Variants in NFE2L2 observed in about 807,000 individuals in gnomAD.
NFE2L2 encodes the protein NFE2 like bZIP transcription factor 2.
A neutral mutation model predicts 49.6 loss-of-function variants in NFE2L2; 20 were observed. The observed-to-expected ratio is 0.40, with a 90% CI of 0.28 to 0.59. NFE2L2 has a LOEUF of 0.59. Ranked by LOEUF, NFE2L2 falls within the 20% of genes least tolerant of loss-of-function variation. NFE2L2 has a pLI of 0.40. For synonymous variants in NFE2L2, 244 were observed against 256.5 expected (o/e 0.95, Z 0.47); for missense variants, 578 against 714.2 (o/e 0.81, Z 2.17).
At chr2:177,236,254 G>A (rs935102416) in intron 1 of NFE2L2, among the ~76,000 whole-genome samples, 9 of 152,344 alleles carry the variant, frequency 5.9e-5, no homozygotes, top group East Asian at 1.9e-4. Context: ...TGGAGGCAGC[G>A]CAGCTAGCTA....
intron 1 of NFE2L2, among the ~76,000 whole-genome samples, chr2:177,251,130 G>C (rs543106245): frequency 6.6e-6 from 1 of 152,144 alleles, no homozygotes; most frequent in Admixed American, 6.5e-5. Context: ...CAACAAAGGT[G>C]GTAAAAATGT....
chr2:177,246,150 C>A (rs1482981326), intron 1 of NFE2L2, among the ~76,000 whole-genome samples: 1 of 152,142 alleles, frequency 6.6e-6, no homozygotes, highest in African/African-American at 2.4e-5. Context: ...GCCCTCTGGA[C>A]ACTCAGACTT....
At chr2:177,263,618 G>A in intron 1 of NFE2L2, 1 of 985,444 alleles carries the variant, frequency 1.0e-6, no homozygotes, top group Non-Finnish European at 1.2e-6. Flanking sequence ...ACCGAGCGCT[G>A]TCACGGAAGC....
intron 1 of NFE2L2, among the ~76,000 whole-genome samples, chr2:177,235,225 C>T (rs1022177372): frequency 3.3e-4 from 49 of 150,682 alleles, no homozygotes; most frequent in African/African-American, 8.5e-4. Flanking sequence ...CAGGAGTTCG[C>T]GACCAGCCTG....
intron 1 of NFE2L2, chr2:177,263,744 G>T: frequency 1.0e-6 from 1 of 985,478 alleles, no homozygotes; most frequent in Non-Finnish European, 1.2e-6. Context: ...TTCCCGCGGC[G>T]TTACGAGGGG....
chr2:177,232,817 G>C, intron 3 of NFE2L2: 1 of 524,484 alleles, frequency 1.9e-6, no homozygotes, highest in Non-Finnish European at 3.4e-6. Flanking sequence ...TTTAAAATGC[G>C]TAAGTACAAT....
intron 1 of NFE2L2, among the ~76,000 whole-genome samples, chr2:177,260,884 G>C (rs761856224): frequency 1.3e-5 from 2 of 152,072 alleles, no homozygotes; most frequent in Non-Finnish European, 2.9e-5. Flanking sequence ...ATTATATTAA[G>C]AAACAGACTG....
intron 1 of NFE2L2, among the ~76,000 whole-genome samples, chr2:177,251,781 G>T (rs559003468): frequency 6.6e-6 from 1 of 152,052 alleles, no homozygotes; most frequent in Non-Finnish European, 1.5e-5. Flanking sequence ...CGAGGTGGGC[G>T]GATCACGAGG....
chr2:177,239,995 G>A (rs989617440), intron 1 of NFE2L2, among the ~76,000 whole-genome samples: 11 of 149,960 alleles, frequency 7.3e-5, no homozygotes, highest in African/African-American at 2.5e-4. Flanking sequence ...AAGACTCACT[G>A]TTGGGGACCA....
At chr2:177,248,477 T>G (rs1040175911) in intron 1 of NFE2L2, among the ~76,000 whole-genome samples, 69 of 152,136 alleles carry the variant, frequency 4.5e-4, no homozygotes, top group African/African-American at 1.5e-3. Context: ...TGGCGTGATC[T>G]CAGCTCACCG....
chr2:177,239,108 G>C (rs1221194597), intron 1 of NFE2L2, among the ~76,000 whole-genome samples: 1 of 152,108 alleles, frequency 6.6e-6, no homozygotes. Context: ...ACCAGAAAAA[G>C]ACATCTTTAT....
rs1689497370 is a variant in NFE2L2, at chr2:177,230,429, CAT to C, written c.*354_*355del. 4.2e-6 allele frequency: 1 copy of C among 240,104 alleles called. No individual in the cohort carries two copies. The highest frequency in any genetic ancestry group is 8.1e-6 in the Non-Finnish European group (1 of 123,464). 14.9% of individuals were successfully genotyped at this position (240,104 alleles called of 1,614,324 possible). ...TCCATACAGTATTTATAAAAAAGTACATAGTGGTTAGTTTTGCAATAATTTCT... is the reference window on the plus strand; with the variant it reads ...TCCATACAGTATTTATAAAAAAGTACAGTGGTTAGTTTTGCAATAATTTCT... On this transcript the variant is annotated 3_prime_UTR_variant, in exon 5 of 5. Coordinates refer to ENST00000397062, the MANE Select transcript of NFE2L2 (RefSeq NM_006164.5).
intron 1 of NFE2L2, among the ~76,000 whole-genome samples, chr2:177,258,671 C>G (rs914610551): frequency 6.6e-6 from 1 of 151,740 alleles, no homozygotes; most frequent in Admixed American, 6.6e-5. Context: ...GAAAAAAAAA[C>G]AGATACATAA....
At chr2:177,237,049 G>T (rs1689774372) in intron 1 of NFE2L2, among the ~76,000 whole-genome samples, 1 of 151,978 alleles carries the variant, frequency 6.6e-6, no homozygotes, top group African/African-American at 2.4e-5. Flanking sequence ...TTGTAGAGAT[G>T]GCGTCTTGCC....
intron 1 of NFE2L2, among the ~76,000 whole-genome samples, chr2:177,247,963 A>G (rs1056931088): frequency 6.6e-6 from 1 of 152,358 alleles, no homozygotes; most frequent in African/African-American, 2.4e-5. Flanking sequence ...GGCAGACTTG[A>G]AAAAGCAAGT....
intron 1 of NFE2L2, among the ~76,000 whole-genome samples, chr2:177,245,814 T>C (rs1690103376): frequency 1.3e-5 from 2 of 152,188 alleles, no homozygotes; most frequent in South Asian, 4.1e-4. Flanking sequence ...TTTGCCATGT[T>C]GGCCAAGCTG....
intron 1 of NFE2L2, chr2:177,264,294 G>C (rs1035322406): frequency 2.1e-6 from 1 of 473,614 alleles, no homozygotes; most frequent in Non-Finnish European, 3.7e-6. Context: ...AGACCTTCCC[G>C]CAACTTCCCA....
At position 177,261,229 on chromosome 2, in the gene NFE2L2, G is replaced by A. The variant is rs1014420452; in HGVS notation, c.45+3303C>T. On this transcript the variant is annotated intron_variant, in intron 1 of 4. Transcript: ENST00000397062. ...CCTGCCTTTCTAAATTGAATCCACC[G>A]AGGCCTCTGTGTCTTCCTTAAAAGG... 4.0e-5 allele frequency among the ~76,000 whole-genome samples: 6 copies of A among 150,038 alleles called. No individual in the cohort carries two copies. In the East Asian group the frequency reaches 7.8e-4, roughly 19 times the overall value.
At chr2:177,258,419 G>T (rs1690609679) in intron 1 of NFE2L2, among the ~76,000 whole-genome samples, 2 of 152,250 alleles carry the variant, frequency 1.3e-5, no homozygotes, top group South Asian at 2.1e-4. Context: ...GAAAATAACT[G>T]AGTAGTTACC....
Sources: allele counts gnomAD v4.1 joint callset (sites outside exome capture counted in the v4.1 genomes callset), GRCh38; gene constraint gnomAD v4.1.1; transcripts MANE v1.5; gene names NCBI Gene and HGNC (gene_info 2026-07-23, HGNC 2026-07-21).